The following UBR1 variants were observed in gnomAD, a reference collection of about 807,000 sequenced individuals.
The protein encoded by UBR1 is ubiquitin protein ligase E3 component n-recognin 1.
UBR1 carries 102 observed loss-of-function variants against 242.1 expected under a neutral mutation model. That is an observed-to-expected ratio of 0.42 (90% CI 0.36 to 0.50). UBR1 has a LOEUF of 0.50. UBR1 is among the 20% of genes least tolerant of loss of function. UBR1 has a pLI of 0.01. For missense variants in UBR1, 1,772 were observed against 2,101.8 expected (o/e 0.84, Z 3.07); for synonymous variants, 675 against 684.8 (o/e 0.99, Z 0.22).
intron 1 of UBR1, among the ~76,000 whole-genome samples, chr15:43,086,704 T>C (rs994244730): frequency 2.1e-4 from 32 of 152,230 alleles, no homozygotes; most frequent in African/African-American, 7.7e-4. Context: ...TAAAACCTTC[T>C]GCTCTTTAAA....
At chr15:43,076,787 C>T (rs2033904947) in intron 3 of UBR1, among the ~76,000 whole-genome samples, 2 of 139,296 alleles carry the variant, frequency 1.4e-5, no homozygotes, top group African/African-American at 5.3e-5. Context: ...GGGGGTCAGC[C>T]CCCCGCCCGG....
In UBR1 at chr15:42,998,274, T is replaced by C; in HGVS notation, c.3660-9A>G. Reference sequence around the variant, plus strand: ...GAGCATCTGCATTCTCACTGAAAAATGATATTTAAAAATTATTACAACCAT... The same window carrying C: ...GAGCATCTGCATTCTCACTGAAAAACGATATTTAAAAATTATTACAACCAT... On this transcript the variant is annotated splice_polypyrimidine_tract_variant and intron_variant, in intron 32 of 46. Coordinates refer to ENST00000290650, the MANE Select transcript of UBR1 (RefSeq NM_174916.3). 1.2e-6 allele frequency: 2 copies of C among 1,611,394 alleles called. No individual in the cohort carries two copies. The highest frequency in any genetic ancestry group is 1.7e-6 in the Non-Finnish European group (2 of 1,177,752).
At chr15:43,098,424 G>T (rs569344657) in intron 1 of UBR1, among the ~76,000 whole-genome samples, 2 of 152,242 alleles carry the variant, frequency 1.3e-5, no homozygotes, top group African/African-American at 4.8e-5. Context: ...CTTGAGACAG[G>T]GTTGCCATAG....
At chr15:43,099,288 G>C (rs1165086587) in intron 1 of UBR1, among the ~76,000 whole-genome samples, 2 of 151,610 alleles carry the variant, frequency 1.3e-5, no homozygotes, top group Non-Finnish European at 2.9e-5. Flanking sequence ...AGAGAGCCAA[G>C]ATTGCACCAC....
At chr15:42,994,171 T>C (rs912906551) in intron 33 of UBR1, among the ~76,000 whole-genome samples, 6 of 152,176 alleles carry the variant, frequency 3.9e-5, no homozygotes, top group Non-Finnish European at 8.8e-5. Context: ...TTGTGGATAG[T>C]ATAAGTATCG....
At chr15:43,017,009 A>C (rs1378335310) in intron 28 of UBR1, 86 bp downstream of exon 28, 2 of 1,046,952 alleles carry the variant, frequency 1.9e-6, no homozygotes, top group African/African-American at 3.1e-5. Flanking sequence ...TTCTCCTAAC[A>C]AAAAAGCAGT....
chr15:43,091,686 C>G (rs1432694171), intron 1 of UBR1, among the ~76,000 whole-genome samples: 3 of 151,790 alleles, frequency 2.0e-5, no homozygotes, highest in Non-Finnish European at 4.4e-5. Context: ...AATCCCAGTA[C>G]TATGGGAGGC....
At chr15:43,010,904 C>T (rs991774450) in intron 29 of UBR1, among the ~76,000 whole-genome samples, 4 of 151,086 alleles carry the variant, frequency 2.6e-5, no homozygotes, top group African/African-American at 4.9e-5. Context: ...AAGGGAGAAT[C>T]GCTTGAACCC....
Position 43,101,323 on chromosome 15 carries a change from G to A in UBR1, c.81+4619C>T, listed in dbSNP as rs536860918. Among the ~76,000 whole-genome samples, 20 of 152,298 alleles carry A rather than the reference G, an allele frequency of 1.3e-4. No homozygotes were observed. In the East Asian group the frequency reaches 3.9e-3, roughly 29 times the overall value. ...CTGGTTGTTCTGTGCAGAATGGACA[G>A]GAAGAGGGCAACAGTGGAAGCAAAC... On this transcript the variant is annotated intron_variant, in intron 1 of 46. Coordinates refer to ENST00000290650, the MANE Select transcript of UBR1 (RefSeq NM_174916.3).
chr15:43,020,936 T>A, intron 27 of UBR1: 1 of 266,582 alleles, frequency 3.8e-6, no homozygotes, highest in East Asian at 1.0e-4. Context: ...TATTTTTGTT[T>A]ATTTATTTGT....
chr15:43,086,361 C>A, intron 1 of UBR1, 121 bp from the exon 2 acceptor site: 2 of 1,241,650 alleles, frequency 1.6e-6, no homozygotes, highest in Non-Finnish European at 2.2e-6. Context: ...TCATCTTTCA[C>A]CAATACAGAA....
intron 37 of UBR1, among the ~76,000 whole-genome samples, chr15:42,983,684 A>AAT (rs2032414967): frequency 6.8e-6 from 1 of 147,606 alleles, no homozygotes; most frequent in African/African-American, 2.5e-5. Flanking sequence ...TAATAATAAT[A>AAT]ATAATAATAA....
chr15:43,038,142 G>C (rs1476167800), intron 16 of UBR1, 29 bp downstream of exon 16: 2 of 1,610,002 alleles, frequency 1.2e-6, no homozygotes, highest in South Asian at 2.2e-5. Flanking sequence ...CAGAATATAA[G>C]CAAATCAATA....
At chr15:42,952,832 T>C (rs775905318) in intron 44 of UBR1, among the ~76,000 whole-genome samples, 7 of 152,340 alleles carry the variant, frequency 4.6e-5, no homozygotes, top group Non-Finnish European at 5.9e-5. Context: ...GTCTTCGATG[T>C]TGAAGGAATA....
chr15:43,032,902 TTCAAC>T (rs1400877291), intron 19 of UBR1, among the ~76,000 whole-genome samples: 1 of 152,182 alleles, frequency 6.6e-6, no homozygotes, highest in Non-Finnish European at 1.5e-5. Flanking sequence ...CATGCTAATC[TTCAAC>T]TCTTCTTCTA....
intron 33 of UBR1, among the ~76,000 whole-genome samples, chr15:42,996,424 T>G (rs182647363): frequency 3.3e-5 from 5 of 151,994 alleles, no homozygotes; most frequent in Non-Finnish European, 2.9e-5. Flanking sequence ...CAGCGAGACC[T>G]TGTCTCTACA....
chr15:42,983,675 A>AATAATAATAATG (rs2032414637), intron 37 of UBR1, among the ~76,000 whole-genome samples: 1 of 146,762 alleles, frequency 6.8e-6, no homozygotes, highest in Non-Finnish European at 1.5e-5. Context: ...CAATAATAAT[A>AATAATAATAATG]ATAATAATAA....
intron 30 of UBR1, among the ~76,000 whole-genome samples, chr15:43,006,113 A>G (rs1303482936): frequency 6.6e-6 from 1 of 151,458 alleles, no homozygotes; most frequent in Non-Finnish European, 1.5e-5. Flanking sequence ...AAAGAAAAAA[A>G]AAAAAAGAAA....
At chr15:43,029,853 G>A in intron 21 of UBR1, 91 bp downstream of exon 21, 6 of 1,490,880 alleles carry the variant, frequency 4.0e-6, no homozygotes, top group Non-Finnish European at 5.6e-6. Context: ...AGGACTTTTT[G>A]CCTAAAATTT....
Sources: allele counts gnomAD v4.1 joint callset (sites outside exome capture counted in the v4.1 genomes callset), GRCh38; gene constraint gnomAD v4.1.1; transcripts MANE v1.5; gene names NCBI Gene and HGNC (gene_info 2026-07-23, HGNC 2026-07-21).